The following TMLHE variants were observed in gnomAD, a reference collection of about 807,000 sequenced individuals.
TMLHE encodes trimethyllysine dioxygenase, mitochondrial.
A neutral mutation model predicts 25.7 loss-of-function variants in TMLHE; 18 were observed. The ratio of observed to expected loss-of-function variants is 0.70; its 90% confidence interval spans 0.48 to 1.04. The LOEUF is 1.04. TMLHE is among the 50% of genes least tolerant of loss of function. The probability of loss-of-function intolerance (pLI) is 0.00; values close to 1 mark genes in which losing one functional copy is unlikely to be tolerated. For missense variants in TMLHE, 236 were observed against 259.0 expected (o/e 0.91, Z 0.61); for synonymous variants, 105 against 97.0 (o/e 1.08, Z -0.49).
chrX:155,555,912 T>G (rs1311576869), intron 1 of TMLHE, among the ~76,000 whole-genome samples: 2 of 109,925 alleles, frequency 1.8e-5, no homozygotes, highest in Non-Finnish European at 3.8e-5. Flanking sequence ...TTGTTGCCAT[T>G]GCTTTTGGTG....
chrX:155,505,783 T>G (rs781843458), intron 6 of TMLHE, among the ~76,000 whole-genome samples: 2 of 111,929 alleles, frequency 1.8e-5, no homozygotes, highest in Admixed American at 1.9e-4. Flanking sequence ...AATTTTTGTC[T>G]ATTGTGCCTA....
intron 1 of TMLHE, among the ~76,000 whole-genome samples, chrX:155,591,849 T>C (rs1301603014): frequency 2.7e-5 from 3 of 111,992 alleles, no homozygotes; most frequent in Non-Finnish European, 5.6e-5. Flanking sequence ...CTTACTGGTA[T>C]AGCCAAAACA....
At chrX:155,586,907 T>C (rs1445134810) in intron 1 of TMLHE, among the ~76,000 whole-genome samples, 1 of 112,059 alleles carries the variant, frequency 8.9e-6, no homozygotes, top group Non-Finnish European at 1.9e-5. Flanking sequence ...CAGGACCAGA[T>C]GGATTCACAG....
At chrX:155,603,562 G>A (rs2124500315) in intron 1 of TMLHE, among the ~76,000 whole-genome samples, 1 of 111,862 alleles carries the variant, frequency 8.9e-6, no homozygotes, top group East Asian at 2.8e-4. Flanking sequence ...GTAGGGACTG[G>A]CATAAGAATA....
chrX:155,577,627 C>CCAT (rs1189521484), intron 1 of TMLHE, among the ~76,000 whole-genome samples: 2 of 110,921 alleles, frequency 1.8e-5, no homozygotes, highest in East Asian at 5.6e-4. Flanking sequence ...CAATGAGATA[C>CCAT]CATCTCACAC....
intron 1 of TMLHE, among the ~76,000 whole-genome samples, chrX:155,549,519 T>C (rs1392967160): frequency 9.0e-6 from 1 of 110,676 alleles, no homozygotes; most frequent in African/African-American, 3.3e-5. Context: ...AAGTGGTTAA[T>C]TATTCTAATT....
chrX:155,529,209 C>T (rs1271896209), intron 2 of TMLHE, among the ~76,000 whole-genome samples: 2 of 111,084 alleles, frequency 1.8e-5, no homozygotes, highest in East Asian at 5.6e-4. Flanking sequence ...CAGCCTAGTA[C>T]ACTAATGTGT....
intron 1 of TMLHE, among the ~76,000 whole-genome samples, chrX:155,593,731 G>A (rs1216417565): frequency 1.8e-5 from 2 of 110,390 alleles, no homozygotes; most frequent in East Asian, 2.8e-4. Flanking sequence ...GAAGGCTGAC[G>A]AAGAAATAGA....
chrX:155,576,965 G>A (rs368658668), intron 1 of TMLHE, among the ~76,000 whole-genome samples: 3 of 111,751 alleles, frequency 2.7e-5, no homozygotes, highest in African/African-American at 6.5e-5. Flanking sequence ...ATTTCATAAC[G>A]AAGATATCAA....
chrX:155,583,447 C>T (rs1603085768), intron 1 of TMLHE, among the ~76,000 whole-genome samples: 1 of 110,437 alleles, frequency 9.1e-6, no homozygotes, highest in Admixed American at 9.6e-5. Flanking sequence ...TCAGTTACCT[C>T]CCACCAGGTC....
chrX:155,579,087 G>A (rs1043058159), intron 1 of TMLHE, among the ~76,000 whole-genome samples: 1 of 83,878 alleles, frequency 1.2e-5, no homozygotes, highest in African/African-American at 4.0e-5. Context: ...ACAAAACACT[G>A]GTGAAAGAAA....
At chrX:155,504,624 A>G (rs1187576668) in intron 6 of TMLHE, among the ~76,000 whole-genome samples, 1 of 111,640 alleles carries the variant, frequency 9.0e-6, no homozygotes, top group Non-Finnish European at 1.9e-5. Flanking sequence ...AACTTGTTGC[A>G]GTTATTTATG....
intron 1 of TMLHE, among the ~76,000 whole-genome samples, chrX:155,549,737 T>C (rs2067400162): frequency 9.1e-6 from 1 of 110,181 alleles, no homozygotes; most frequent in South Asian, 3.9e-4. Flanking sequence ...GCTGGGTTTT[T>C]AAAATTGTAC....
At chrX:155,611,858 T>C (rs1304804929) in intron 1 of TMLHE, among the ~76,000 whole-genome samples, 1 of 112,133 alleles carries the variant, frequency 8.9e-6, no homozygotes, top group Non-Finnish European at 1.9e-5. Context: ...TAAAATAAAC[T>C]GTATGTAATT....
intron 2 of TMLHE, among the ~76,000 whole-genome samples, chrX:155,526,908 G>A (rs782518325): frequency 9.2e-4 from 104 of 112,779 alleles, no homozygotes; most frequent in Non-Finnish European, 1.6e-3. Context: ...AGCATTTACC[G>A]AATGCCTGTA....
At chrX:155,510,619 T>C (rs1428965121) in intron 5 of TMLHE, among the ~76,000 whole-genome samples, 1 of 109,872 alleles carries the variant, frequency 9.1e-6, no homozygotes, top group East Asian at 2.9e-4. Context: ...ATGGTGTATA[T>C]GTGCCACATT....
At chrX:155,579,934 A>C (rs1210817528) in intron 1 of TMLHE, among the ~76,000 whole-genome samples, 1 of 109,115 alleles carries the variant, frequency 9.2e-6, no homozygotes, top group Non-Finnish European at 1.9e-5. Flanking sequence ...CACAACTAAG[A>C]CCTCAAAATC....
At chrX:155,526,861 C>T (rs1433949981) in intron 2 of TMLHE, among the ~76,000 whole-genome samples, 7 of 112,923 alleles carry the variant, frequency 6.2e-5, no homozygotes, top group African/African-American at 2.3e-4. Flanking sequence ...GGCCTGTAGC[C>T]CCTTGGCTTT....
chrX:155,541,242 G>A (rs1327152136), intron 2 of TMLHE, among the ~76,000 whole-genome samples: 1 of 110,363 alleles, frequency 9.1e-6, no homozygotes. Flanking sequence ...TCCCTTCCCT[G>A]TGTCCATGTG....
Sources: allele counts gnomAD v4.1 joint callset (sites outside exome capture counted in the v4.1 genomes callset), GRCh38; gene constraint gnomAD v4.1.1; transcripts MANE v1.5; gene names NCBI Gene and HGNC (gene_info 2026-07-23, HGNC 2026-07-21).